The following PIBF1 variants were observed in gnomAD, a reference collection of about 807,000 sequenced individuals.
The protein encoded by PIBF1 is progesterone-induced-blocking factor 1.
In PIBF1, 90 loss-of-function variants were observed where a neutral mutation model predicts 112.5. The observed-to-expected ratio is 0.80, with a 90% CI of 0.67 to 0.95. The LOEUF is 0.95. Ranked by LOEUF, PIBF1 falls within the 40% of genes least tolerant of loss-of-function variation. The pLI, the probability that PIBF1 is intolerant of heterozygous loss-of-function variation, is 0.00. For missense variants in PIBF1, 915 were observed against 852.3 expected (o/e 1.07, Z -0.92); for synonymous variants, 301 against 288.6 (o/e 1.04, Z -0.44).
chr13:72,860,431 T>C (rs1189386212), intron 10 of PIBF1, among the ~76,000 whole-genome samples: 7 of 152,014 alleles, frequency 4.6e-5, no homozygotes, highest in South Asian at 2.1e-4. Context: ...TAAACTCATA[T>C]ATTTTGGGAA....
intron 9 of PIBF1, among the ~76,000 whole-genome samples, chr13:72,837,863 A>G (rs1398714942): frequency 6.6e-6 from 1 of 152,178 alleles, no homozygotes. Flanking sequence ...TTGTCCCTTC[A>G]TGTTCATTAC....
chr13:72,868,431 A>G (rs564321763), intron 10 of PIBF1, among the ~76,000 whole-genome samples: 1 of 152,312 alleles, frequency 6.6e-6, no homozygotes, highest in African/African-American at 2.4e-5. Flanking sequence ...CTGTAAAGGT[A>G]CTCACGTACC....
At chr13:72,875,431 T>G (rs1042972260) in intron 10 of PIBF1, among the ~76,000 whole-genome samples, 8 of 152,140 alleles carry the variant, frequency 5.3e-5, no homozygotes, top group African/African-American at 1.9e-4. Flanking sequence ...GAGTGTGATC[T>G]TATGGTAAGA....
intron 8 of PIBF1, 117 bp downstream of exon 8, chr13:72,828,031 T>C: frequency 2.4e-6 from 1 of 416,638 alleles, no homozygotes; most frequent in South Asian, 1.2e-4. Flanking sequence ...TATATGATAA[T>C]ACTAAGATAA....
At chr13:72,868,523 T>C (rs1004438744) in intron 10 of PIBF1, among the ~76,000 whole-genome samples, 11 of 152,192 alleles carry the variant, frequency 7.2e-5, no homozygotes, top group Non-Finnish European at 1.3e-4. Context: ...AAATAACCTG[T>C]CATTTATAAG....
chr13:72,962,656 C>G (rs1290109154), intron 14 of PIBF1, among the ~76,000 whole-genome samples: 1 of 151,630 alleles, frequency 6.6e-6, no homozygotes, highest in Non-Finnish European at 1.5e-5. Flanking sequence ...CACAAGACAT[C>G]CCATATTCAT....
At chr13:72,824,661 A>G (rs1231160152) in intron 6 of PIBF1, among the ~76,000 whole-genome samples, 1 of 152,196 alleles carries the variant, frequency 6.6e-6, no homozygotes, top group Non-Finnish European at 1.5e-5. Context: ...TTGATTCAGA[A>G]TCATCATTGG....
chr13:72,959,400 C>T (rs1213380420), intron 14 of PIBF1, among the ~76,000 whole-genome samples: 5 of 152,096 alleles, frequency 3.3e-5, no homozygotes, highest in Non-Finnish European at 5.9e-5. Context: ...CTTTTTCATT[C>T]CTAGCACGAT....
intron 9 of PIBF1, among the ~76,000 whole-genome samples, chr13:72,837,467 A>G (rs936236673): frequency 2.0e-5 from 3 of 152,048 alleles, no homozygotes; most frequent in Admixed American, 1.3e-4. Context: ...TTTAATTACT[A>G]TGTTATGATT....
chr13:72,858,023 T>TTGTG (rs374331152), intron 10 of PIBF1, among the ~76,000 whole-genome samples: 11 of 141,224 alleles, frequency 7.8e-5, no homozygotes, highest in African/African-American at 1.6e-4. Flanking sequence ...CAAATGTACA[T>TTGTG]TGTGTGTGTG....
intron 1 of PIBF1, among the ~76,000 whole-genome samples, chr13:72,782,852 C>A (rs1243405329): frequency 6.6e-6 from 1 of 150,582 alleles, no homozygotes; most frequent in Non-Finnish European, 1.5e-5. Flanking sequence ...CATTTAAGGC[C>A]TTCCAGTCTT....
chr13:72,790,182 T>G (rs1338603425), intron 2 of PIBF1, among the ~76,000 whole-genome samples: 1 of 152,108 alleles, frequency 6.6e-6, no homozygotes, highest in Non-Finnish European at 1.5e-5. Context: ...AGTTAAGAGT[T>G]ACATGTCCTG....
chr13:72,905,609 A>G (rs1027765026), intron 11 of PIBF1, among the ~76,000 whole-genome samples: 2 of 152,122 alleles, frequency 1.3e-5, no homozygotes, highest in Non-Finnish European at 2.9e-5. Flanking sequence ...TTTTTCCTAT[A>G]CTTTCTTCAG....
chr13:72,843,196 G>A (rs1278389781), intron 9 of PIBF1, among the ~76,000 whole-genome samples: 1 of 152,196 alleles, frequency 6.6e-6, no homozygotes, highest in Non-Finnish European at 1.5e-5. Flanking sequence ...GATTATAGTT[G>A]AAGAAAGCCT....
intron 11 of PIBF1, among the ~76,000 whole-genome samples, chr13:72,900,302 C>CT (rs2040436198): frequency 6.6e-6 from 1 of 152,078 alleles, no homozygotes; most frequent in African/African-American, 2.4e-5. Context: ...CAAAGCAAGA[C>CT]TAAGCAAAAA....
intron 5 of PIBF1, among the ~76,000 whole-genome samples, chr13:72,817,630 A>G (rs923357060): frequency 2.0e-4 from 31 of 152,138 alleles, no homozygotes; most frequent in African/African-American, 7.5e-4. Flanking sequence ...CATGTGATAC[A>G]TTTTCTGACA....
chr13:72,827,947 T>C (rs1185289292), intron 8 of PIBF1, 33 bp downstream of exon 8: 1 of 1,440,672 alleles, frequency 6.9e-7, no homozygotes, highest in Non-Finnish European at 9.3e-7. Flanking sequence ...CGTAAATAGA[T>C]ACCAATTAAC....
chr13:72,815,075 C>T (rs945985488), intron 5 of PIBF1, among the ~76,000 whole-genome samples: 21 of 152,164 alleles, frequency 1.4e-4, no homozygotes, highest in African/African-American at 4.1e-4. Context: ...GCTAGTTCCA[C>T]TTACTTATAC....
At chr13:72,963,786 T>G (rs942775707) in intron 14 of PIBF1, among the ~76,000 whole-genome samples, 1 of 152,070 alleles carries the variant, frequency 6.6e-6, no homozygotes, top group African/African-American at 2.4e-5. Flanking sequence ...TTGGGAAGAC[T>G]TCTCTCCAAA....
Sources: allele counts gnomAD v4.1 joint callset (sites outside exome capture counted in the v4.1 genomes callset), GRCh38; gene constraint gnomAD v4.1.1; transcripts MANE v1.5; gene names NCBI Gene and HGNC (gene_info 2026-07-23, HGNC 2026-07-21).